Variants in GARIN5A observed in about 807,000 individuals in gnomAD.
GARIN5A encodes Golgi-associated RAB2 interactor protein 5A.
At chr19:50,467,898 G>T in the GARIN5A span, 1 of 1,472,612 alleles carries the variant, frequency 6.8e-7, no homozygotes, top group Non-Finnish European at 9.3e-7. Flanking sequence ...CGGGGTCAGG[G>T]GTCCCCACCT....
the GARIN5A span, among the ~76,000 whole-genome samples, chr19:50,471,707 CGT>C: frequency 6.0e-4 from 88 of 146,402 alleles, 4 homozygotes; most frequent in African/African-American, 1.9e-3. Flanking sequence ...CATACATGCA[CGT>C]GTGTGTATAC....
chr19:50,476,472 C>G, the GARIN5A span: 1 of 1,571,470 alleles, frequency 6.4e-7, no homozygotes, highest in East Asian at 2.3e-5. Context: ...CGTCAGGATG[C>G]GGCCTGTTCC....
At chr19:50,469,921 A>C in the GARIN5A span, among the ~76,000 whole-genome samples, 60 of 152,288 alleles carry the variant, frequency 3.9e-4, no homozygotes, top group Non-Finnish European at 7.9e-4. Flanking sequence ...GAAGAATAAC[A>C]GCTGACATTT....
chr19:50,475,263 T>C, the GARIN5A span: 2 of 1,513,924 alleles, frequency 1.3e-6, no homozygotes, highest in South Asian at 2.5e-5. Context: ...GAGGTACTGC[T>C]GGGGGCTCAG....
the GARIN5A span, among the ~76,000 whole-genome samples, chr19:50,474,162 T>C: frequency 7.1e-6 from 1 of 141,812 alleles, no homozygotes; most frequent in Non-Finnish European, 1.5e-5. Flanking sequence ...TTTTCTCTTT[T>C]CTTTTCTTTT....
chr19:50,470,943 G>A, the GARIN5A span, among the ~76,000 whole-genome samples: 13 of 151,800 alleles, frequency 8.6e-5, no homozygotes, highest in Non-Finnish European at 1.5e-4. Context: ...TGTGACCACC[G>A]CGCCCAGCCT....
At chr19:50,471,754 A>ACGGG in the GARIN5A span, among the ~76,000 whole-genome samples, 3 of 79,660 alleles carry the variant, frequency 3.8e-5, no homozygotes, top group African/African-American at 2.3e-4. Context: ...GCATACATGC[A>ACGGG]TGTGTATACG....
At chr19:50,475,916 G>T in the GARIN5A span, 1 of 1,613,842 alleles carries the variant, frequency 6.2e-7, no homozygotes, top group Non-Finnish European at 8.5e-7. Flanking sequence ...AGCCGTCTGG[G>T]ACGGCCCGTG....
the GARIN5A span, among the ~76,000 whole-genome samples, chr19:50,468,429 T>C: frequency 2.0e-5 from 3 of 149,154 alleles, no homozygotes; most frequent in Admixed American, 6.7e-5. Flanking sequence ...ACTCATAACA[T>C]GTTCAACAGC....
At chr19:50,474,295 T>C in the GARIN5A span, among the ~76,000 whole-genome samples, 2 of 151,414 alleles carry the variant, frequency 1.3e-5, no homozygotes, top group Non-Finnish European at 2.9e-5. Context: ...TTCTCCTGCC[T>C]CAGCCTCCCG....
chr19:50,471,901 CATGTAT>C, the GARIN5A span, among the ~76,000 whole-genome samples: 1 of 148,394 alleles, frequency 6.7e-6, no homozygotes, highest in African/African-American at 2.6e-5. Context: ...TGTATGCATA[CATGTAT>C]GTGTGTATAT....
the GARIN5A span, among the ~76,000 whole-genome samples, chr19:50,471,202 C>A: frequency 6.6e-6 from 1 of 151,698 alleles, no homozygotes; most frequent in African/African-American, 2.4e-5. Flanking sequence ...TGGGCTTAAG[C>A]AGTCCTCCCA....
the GARIN5A span, chr19:50,475,518 G>C: frequency 6.7e-7 from 1 of 1,482,156 alleles, no homozygotes; most frequent in African/African-American, 1.4e-5. Flanking sequence ...GGAGGGATCA[G>C]AGGTTAGGAA....
the GARIN5A span, chr19:50,467,544 C>T: frequency 6.6e-7 from 1 of 1,504,532 alleles, no homozygotes; most frequent in South Asian, 1.2e-5. Context: ...TGCGCTTCCC[C>T]CCTCTCCTCA....
chr19:50,471,932 ATG>A, the GARIN5A span, among the ~76,000 whole-genome samples: 4 of 149,980 alleles, frequency 2.7e-5, no homozygotes, highest in Non-Finnish European at 4.4e-5. Flanking sequence ...ATATACATGT[ATG>A]TGTGTAAGTA....
chr19:50,467,537 G>T, the GARIN5A span: 2 of 1,469,808 alleles, frequency 1.4e-6, no homozygotes, highest in Non-Finnish European at 1.8e-6. Flanking sequence ...GCCCCACTGC[G>T]CTTCCCCCCT....
At chr19:50,475,710 A>G in the GARIN5A span, 1 of 753,830 alleles carries the variant, frequency 1.3e-6, no homozygotes. Flanking sequence ...CAGAGATCAC[A>G]TAGGAGTTGG....
the GARIN5A span, among the ~76,000 whole-genome samples, chr19:50,471,624 G>C: frequency 2.0e-5 from 3 of 151,798 alleles, no homozygotes; most frequent in Non-Finnish European, 4.4e-5. Flanking sequence ...GTATATATAT[G>C]TGTGTATACA....
chr19:50,469,388 C>T, the GARIN5A span, among the ~76,000 whole-genome samples: 1 of 152,160 alleles, frequency 6.6e-6, no homozygotes, highest in Non-Finnish European at 1.5e-5. Flanking sequence ...TAGTCCTTTC[C>T]GGTCTGACGG....
Sources: gnomAD v4.1 joint callset for allele counts (sites outside exome capture counted in the v4.1 genomes callset) on GRCh38, gnomAD v4.1.1 for gene constraint, MANE v1.5 for transcripts, NCBI Gene and HGNC (gene_info 2026-07-23, HGNC 2026-07-21) for gene names.